The following DENND1A variants were observed in gnomAD, a reference collection of about 807,000 sequenced individuals.
The protein encoded by DENND1A is DENN domain containing 1A.
Under a neutral mutation model 113.7 loss-of-function variants are expected in DENND1A, and 51 were observed. That is an observed-to-expected ratio of 0.45 (90% confidence interval 0.36 to 0.57). The LOEUF (loss-of-function observed/expected upper bound fraction) is 0.57. DENND1A is among the 20% of genes least tolerant of loss of function. The pLI, the probability that DENND1A is intolerant of heterozygous loss-of-function variation, is 0.00. For synonymous variants in DENND1A, 565 were observed against 570.8 expected (o/e 0.99, Z 0.14); for missense variants, 1,258 against 1,395.9 (o/e 0.90, Z 1.57).
intron 2 of DENND1A, among the ~76,000 whole-genome samples, chr9:123,826,025 A>T (rs1324126467): frequency 6.6e-6 from 1 of 152,182 alleles, no homozygotes; most frequent in Non-Finnish European, 1.5e-5. Context: ...GTCAAAGCTG[A>T]CCCTAGAGCA....
chr9:123,850,426 TATAC>T (rs2133128546), intron 2 of DENND1A, among the ~76,000 whole-genome samples: 1 of 152,356 alleles, frequency 6.6e-6, no homozygotes, highest in South Asian at 2.1e-4. Context: ...ATAATGCTAT[TATAC>T]AATTAATAGA....
Position 123,382,109 on chromosome 9 carries a change from G to T in DENND1A, c.2536C>A (p.Leu846Ile). The change falls in exon 24 of 24, where the codon CTC becomes ATC. Residue 846 changes from leucine to isoleucine, a missense_variant. This residue lies in a region of DENND1A where 1,159 missense variants were observed against 1,231.7 expected (regional missense o/e 0.94). Transcript: ENST00000394215. ...AGTSSDALLA[L>I]LDPLSTAWSG... ...CAGGCTGTGCTGAGCGGGTCCAGGA[G>T]GGCGAGCAGGGCGTCACTGCTCGTG... 6.4e-7 allele frequency: 1 copy of T among 1,564,616 alleles called. No homozygotes were observed. The highest frequency in any genetic ancestry group is 1.9e-5 in the Admixed American group (1 of 53,924).
intron 7 of DENND1A, among the ~76,000 whole-genome samples, chr9:123,667,903 A>C (rs1222757073): frequency 1.3e-5 from 2 of 152,076 alleles, no homozygotes; most frequent in African/African-American, 4.8e-5. Context: ...GATGACTAAG[A>C]GTGGAGAAAT....
At chr9:123,917,490 T>A (rs1314777293) in intron 1 of DENND1A, among the ~76,000 whole-genome samples, 1 of 152,078 alleles carries the variant, frequency 6.6e-6, no homozygotes, top group East Asian at 1.9e-4. Context: ...TATGGAAAAT[T>A]CCAATGTAAA....
chr9:123,607,297 G>A (rs541570182), intron 11 of DENND1A, among the ~76,000 whole-genome samples: 81 of 151,482 alleles, frequency 5.3e-4, no homozygotes, highest in Non-Finnish European at 1.0e-3. Flanking sequence ...AAGGCAGTGA[G>A]GAAAGAACAG....
chr9:123,664,130 T>C (rs1016215130), intron 8 of DENND1A, among the ~76,000 whole-genome samples: 2 of 152,214 alleles, frequency 1.3e-5, no homozygotes, highest in Admixed American at 1.3e-4. Context: ...TCTTTTGCTG[T>C]TGTGTGATAC....
At chr9:123,650,931 AG>A (rs1172444730) in intron 9 of DENND1A, among the ~76,000 whole-genome samples, 1 of 148,928 alleles carries the variant, frequency 6.7e-6, no homozygotes, top group African/African-American at 2.5e-5. Context: ...AAAAAAAAAA[AG>A]ATGGATTAAT....
intron 2 of DENND1A, among the ~76,000 whole-genome samples, chr9:123,836,016 G>T (rs773785399): frequency 6.6e-6 from 1 of 152,072 alleles, no homozygotes; most frequent in Non-Finnish European, 1.5e-5. Context: ...TATCCAGCAG[G>T]GTGTCTGACA....
chr9:123,485,645 C>A (rs767304591), intron 13 of DENND1A: 2 of 10,548 alleles, frequency 1.9e-4, no homozygotes, highest in African/African-American at 4.8e-4. Flanking sequence ...CGTACACACA[C>A]GCGCGCGCGC....
intron 12 of DENND1A, among the ~76,000 whole-genome samples, chr9:123,572,894 A>C (rs1264769593): frequency 6.6e-6 from 1 of 151,934 alleles, no homozygotes; most frequent in South Asian, 2.1e-4. Context: ...ATTCCCTCTC[A>C]TATTTTTTTT....
At chr9:123,539,425 C>G (rs886635981) in intron 13 of DENND1A, among the ~76,000 whole-genome samples, 1 of 151,748 alleles carries the variant, frequency 6.6e-6, no homozygotes, top group Non-Finnish European at 1.5e-5. Context: ...GAAAAAGTCA[C>G]CTATAGTTTC....
At chr9:123,396,003 G>A (rs971663393) in intron 21 of DENND1A, among the ~76,000 whole-genome samples, 5 of 152,090 alleles carry the variant, frequency 3.3e-5, no homozygotes, top group Non-Finnish European at 7.4e-5. Flanking sequence ...GTGTGCACGC[G>A]TGTGAGACAA....
At chr9:123,398,685 C>T (rs532970362) in intron 21 of DENND1A, among the ~76,000 whole-genome samples, 9 of 151,148 alleles carry the variant, frequency 6.0e-5, no homozygotes, top group Admixed American at 4.6e-4. Flanking sequence ...CCACCATTGG[C>T]TCTTTCTAAG....
Position 123,893,730 on chromosome 9 carries a change from A to G in DENND1A, c.18-14709T>C, listed in dbSNP as rs906330485. On this transcript the variant is annotated intron_variant, in intron 1 of 23. Transcript: ENST00000394215. ...CTTCTAGAAATTGAATTGCTTGCCC[A>G]AAGACAAATATCTAGTAAGTGGCAG... 7.2e-5 allele frequency among the ~76,000 whole-genome samples: 11 copies of G among 152,328 alleles called. No individual in the cohort carries two copies. In the East Asian group the frequency reaches 1.9e-3, roughly 27 times the overall value.
intron 4 of DENND1A, among the ~76,000 whole-genome samples, chr9:123,763,012 A>G (rs558371070): frequency 6.6e-6 from 1 of 152,322 alleles, no homozygotes; most frequent in East Asian, 1.9e-4. Flanking sequence ...CATCACATTA[A>G]GCTGCTAGAT....
chr9:123,858,346 A>G (rs533456263), intron 2 of DENND1A, among the ~76,000 whole-genome samples: 5 of 152,234 alleles, frequency 3.3e-5, no homozygotes, highest in Non-Finnish European at 7.3e-5. Flanking sequence ...AATTATTTGC[A>G]GTGCAATTAC....
intron 1 of DENND1A, among the ~76,000 whole-genome samples, chr9:123,910,699 G>T (rs1853801398): frequency 6.6e-6 from 1 of 152,176 alleles, no homozygotes; most frequent in Admixed American, 6.5e-5. Flanking sequence ...CAGCACTTTG[G>T]GAGGCTGAGG....
At chr9:123,603,869 A>G (rs2060036931) in intron 11 of DENND1A, among the ~76,000 whole-genome samples, 1 of 152,244 alleles carries the variant, frequency 6.6e-6, no homozygotes. Context: ...GGTTTGGGAC[A>G]CTGACCCATC....
At chr9:123,817,954 G>A (rs1837769808) in intron 2 of DENND1A, among the ~76,000 whole-genome samples, 2 of 151,476 alleles carry the variant, frequency 1.3e-5, no homozygotes, top group Admixed American at 1.3e-4. Flanking sequence ...TTAAACCTGG[G>A]AGGCGGAAGT....
Sources: allele counts gnomAD v4.1 joint callset (sites outside exome capture counted in the v4.1 genomes callset), GRCh38; gene constraint gnomAD v4.1.1; regional missense constraint gnomAD v4.1.1; transcripts MANE v1.5; gene names NCBI Gene and HGNC (gene_info 2026-07-23, HGNC 2026-07-21).